The following NAV3 variants were observed in gnomAD, a reference collection of about 807,000 sequenced individuals.
NAV3 encodes neuron navigator 3, also known as pore membrane and/or filament interacting like protein 1.
In NAV3, 87 loss-of-function variants were observed where a neutral mutation model predicts 244.7. The observed-to-expected ratio is 0.36, with a 90% confidence interval of 0.30 to 0.42. The LOEUF is 0.42. Ranked by LOEUF, NAV3 falls within the 20% of genes least tolerant of loss-of-function variation. The probability of loss-of-function intolerance (pLI) is 1.00; values close to 1 mark genes in which losing one functional copy is unlikely to be tolerated. For synonymous variants in NAV3, 1,126 were observed against 1,042.2 expected, an observed-to-expected ratio of 1.08 and a Z score of -1.55; for missense variants, 2,663 against 2,893.3, an observed-to-expected ratio of 0.92 and a Z score of 1.83.
chr12:77,855,426 T>A (rs1878246577), intron 1 of NAV3, among the ~76,000 whole-genome samples: 1 of 152,220 alleles, frequency 6.6e-6, no homozygotes. Flanking sequence ...TCTTAGTGAA[T>A]CTGTGATATC....
chr12:77,577,329 A>T (rs1486838354), intron 2 of NAV3, among the ~76,000 whole-genome samples: 1 of 152,142 alleles, frequency 6.6e-6, no homozygotes, highest in Admixed American at 6.6e-5. Flanking sequence ...CTTCTTTCTC[A>T]GATTTGAACT....
At chr12:77,612,070 C>A (rs1484765285) in intron 2 of NAV3, among the ~76,000 whole-genome samples, 1 of 151,706 alleles carries the variant, frequency 6.6e-6, no homozygotes, top group East Asian at 1.9e-4. Flanking sequence ...GAAAAAAATG[C>A]TTTTAGGTTA....
intron 23 of NAV3, among the ~76,000 whole-genome samples, chr12:78,165,171 C>G (rs412260): frequency 0.047 from 7,189 of 152,096 alleles, 196 homozygotes; most frequent in Non-Finnish European, 0.072. Context: ...TTGGGGGCAT[C>G]ATTATCTTGA....
chr12:77,687,826 C>T lies in NAV3; in HGVS notation c.72+115560C>T, dbSNP rs568226081. 9.2e-5 allele frequency among the ~76,000 whole-genome samples: 14 copies of T among 152,070 alleles called. No homozygotes were observed. In the East Asian group the frequency reaches 1.5e-3, roughly 17 times the overall value. ...GGATAGAATCTTGCACATTGTATTA[C>T]GGCTTAATAGCAAATTTTAAATCAA... On this transcript the variant is annotated intron_variant, in intron 2 of 8. Coordinates refer to the NAV3 transcript ENST00000550042.
At chr12:77,797,738 G>C (rs912124402) in intron 2 of NAV3, among the ~76,000 whole-genome samples, 2 of 151,396 alleles carry the variant, frequency 1.3e-5, no homozygotes, top group Non-Finnish European at 2.9e-5. Flanking sequence ...CCACTCAAGA[G>C]ACTGAGGGAG....
At chr12:77,870,022 G>A (rs531089577) in intron 1 of NAV3, among the ~76,000 whole-genome samples, 69 of 152,192 alleles carry the variant, frequency 4.5e-4, no homozygotes, top group African/African-American at 1.6e-3. Flanking sequence ...AATTTACCAA[G>A]GAATTATCTA....
At chr12:78,134,205 T>C (rs1956280546) in intron 18 of NAV3, among the ~76,000 whole-genome samples, 1 of 152,206 alleles carries the variant, frequency 6.6e-6, no homozygotes, top group African/African-American at 2.4e-5. Flanking sequence ...CCCATCTTCG[T>C]GTTCAACCTT....
intron 1 of NAV3, among the ~76,000 whole-genome samples, chr12:77,898,518 T>A (rs968469470): frequency 6.6e-6 from 1 of 152,216 alleles, no homozygotes; most frequent in Non-Finnish European, 1.5e-5. Flanking sequence ...GTGTTCGTAT[T>A]CATTCAGCAA....
chr12:77,783,763 A>G (rs528055908), intron 2 of NAV3, among the ~76,000 whole-genome samples: 2 of 152,200 alleles, frequency 1.3e-5, no homozygotes, highest in Non-Finnish European at 1.5e-5. Context: ...GCTTCTTTGC[A>G]GATACATACA....
intron 1 of NAV3, among the ~76,000 whole-genome samples, chr12:77,877,750 T>G (rs907712953): frequency 1.3e-5 from 2 of 152,072 alleles, no homozygotes; most frequent in Non-Finnish European, 2.9e-5. Context: ...ATAGAGACTG[T>G]CTTCCGAAGC....
chr12:78,177,476 CTTTCATTTTCATTTTTCTT>C, intron 27 of NAV3, 125 bp from the exon 28 acceptor site: 1 of 1,120,036 alleles, frequency 8.9e-7, no homozygotes, highest in Non-Finnish European at 1.2e-6. Context: ...TCACTGGTTT[CTTTCATTTTCATTTTTCTT>C]TTTCATTTTC....
At chr12:77,652,094 T>C (rs146160389) in intron 2 of NAV3, among the ~76,000 whole-genome samples, 1,856 of 152,296 alleles carry the variant, frequency 0.012, 45 homozygotes, top group African/African-American at 0.042. Flanking sequence ...TCCTTACCTA[T>C]AAAATTGTAA....
At chr12:77,708,557 A>G (rs913167655) in intron 2 of NAV3, among the ~76,000 whole-genome samples, 16 of 152,136 alleles carry the variant, frequency 1.1e-4, no homozygotes, top group South Asian at 4.2e-4. Flanking sequence ...TTTTGGTTCC[A>G]TATGAACTTT....
intron 2 of NAV3, among the ~76,000 whole-genome samples, chr12:77,694,148 AT>A (rs1875174482): frequency 6.6e-6 from 1 of 151,842 alleles, no homozygotes; most frequent in Non-Finnish European, 1.5e-5. Flanking sequence ...ATGGCCAATA[AT>A]TTCTATCCTA....
chr12:78,075,491 C>T (rs1437752797), intron 12 of NAV3, among the ~76,000 whole-genome samples: 1 of 152,000 alleles, frequency 6.6e-6, no homozygotes, highest in Non-Finnish European at 1.5e-5. Context: ...CTGAATAGAA[C>T]AGTATTTGGT....
intron 8 of NAV3, among the ~76,000 whole-genome samples, chr12:78,013,879 T>C (rs984246374): frequency 6.6e-6 from 1 of 152,048 alleles, no homozygotes; most frequent in African/African-American, 2.4e-5. Flanking sequence ...CATTCTGTTT[T>C]TTTAAAACTC....
At chr12:77,696,473 G>A (rs561650820) in intron 2 of NAV3, among the ~76,000 whole-genome samples, 1 of 152,232 alleles carries the variant, frequency 6.6e-6, no homozygotes, top group African/African-American at 2.4e-5. Flanking sequence ...GCGTTCTGAA[G>A]CAGATTTCTC....
At chr12:77,898,180 T>C (rs1884848969) in intron 1 of NAV3, among the ~76,000 whole-genome samples, 1 of 152,242 alleles carries the variant, frequency 6.6e-6, no homozygotes, top group African/African-American at 2.4e-5. Flanking sequence ...ATTTTTTATA[T>C]TATATCATGA....
chr12:77,659,912 G>A (rs1873348092), intron 2 of NAV3, among the ~76,000 whole-genome samples: 1 of 139,796 alleles, frequency 7.2e-6, no homozygotes, highest in South Asian at 2.4e-4. Flanking sequence ...TGAACAATGA[G>A]AACACATGGA....
Sources: allele counts gnomAD v4.1 joint callset (sites outside exome capture counted in the v4.1 genomes callset), GRCh38; gene constraint gnomAD v4.1.1; transcripts MANE v1.5; gene names NCBI Gene and HGNC (gene_info 2026-07-23, HGNC 2026-07-21).